KIAA1328: variants seen among roughly 807,000 people sequenced by gnomAD.
KIAA1328 encodes protein hinderin.
In KIAA1328, 52 loss-of-function variants were observed where a neutral mutation model predicts 68.1. The ratio of observed to expected loss-of-function variants is 0.76; its 90% CI spans 0.61 to 0.96. KIAA1328 has a LOEUF of 0.96. KIAA1328 is among the 40% of genes least tolerant of loss of function. KIAA1328 has a pLI of 0.00. For missense variants in KIAA1328, 641 were observed against 677.6 expected (o/e 0.95, Z 0.60); for synonymous variants, 232 against 239.4 (o/e 0.97, Z 0.28).
In KIAA1328 at chr18:37,223,309, G is replaced by T; in HGVS notation, c.*1082G>T. On this transcript the variant is annotated 3_prime_UTR_variant, in exon 10 of 10. Coordinates refer to ENST00000280020, the MANE Select transcript of KIAA1328 (RefSeq NM_020776.3). ...CAGGGTCTCCCTACTTTTTCTCACT[G>T]GCCTCGTTTTGACCCAGAGAAAGCC... 5.1e-6 allele frequency: 5 copies of T among 985,166 alleles called. No individual in the cohort carries two copies. The highest frequency in any genetic ancestry group is 4.8e-6 in the Non-Finnish European group (4 of 829,940). The allele number at this position is 985,166 out of a possible 1,614,324, so 61.0% of individuals were successfully genotyped here. A position where few individuals can be genotyped will look rare whatever the true frequency, so the allele number is the denominator to read the frequency against.
At chr18:37,226,846 C>T (rs1473623320), downstream of KIAA1328, among the ~76,000 whole-genome samples, 1 of 151,496 alleles carries the variant, frequency 6.6e-6, no homozygotes, top group Non-Finnish European at 1.5e-5. Flanking sequence ...CAGCTCACTG[C>T]AACCTCCGCC....
chr18:36,960,150 G>A (rs535497193), intron 6 of KIAA1328, among the ~76,000 whole-genome samples: 1 of 152,290 alleles, frequency 6.6e-6, no homozygotes, highest in East Asian at 1.9e-4. Flanking sequence ...CAGACCAGGG[G>A]ATTCTCTCCT....
intron 7 of KIAA1328, among the ~76,000 whole-genome samples, chr18:37,117,955 C>T (rs997388576): frequency 5.7e-4 from 86 of 150,112 alleles, no homozygotes; most frequent in African/African-American, 2.1e-3. Context: ...TTATAGTCCC[C>T]ATCTCTGCAA....
intron 7 of KIAA1328, among the ~76,000 whole-genome samples, chr18:37,098,160 A>C (rs1235003551): frequency 2.0e-5 from 3 of 152,142 alleles, no homozygotes; most frequent in Non-Finnish European, 4.4e-5. Context: ...CCAGTTTTCA[A>C]AGGGAATGCT....
At chr18:37,208,750 A>G (rs1457605454) in intron 9 of KIAA1328, among the ~76,000 whole-genome samples, 1 of 152,234 alleles carries the variant, frequency 6.6e-6, no homozygotes, top group African/African-American at 2.4e-5. Context: ...TTTCAATTAA[A>G]GCTAGGAGAT....
chr18:37,043,582 T>C (rs538293583), intron 6 of KIAA1328, among the ~76,000 whole-genome samples: 1 of 152,306 alleles, frequency 6.6e-6, no homozygotes, highest in South Asian at 2.1e-4. Flanking sequence ...ATGATTATTG[T>C]TAATAAATTT....
chr18:36,927,374 GTTAC>G (rs1362163083), intron 5 of KIAA1328, among the ~76,000 whole-genome samples: 1 of 152,134 alleles, frequency 6.6e-6, no homozygotes, highest in Non-Finnish European at 1.5e-5. Flanking sequence ...TGGCATAATT[GTTAC>G]TTAGAGAATG....
chr18:36,882,631 C>T (rs1159978437), intron 4 of KIAA1328, among the ~76,000 whole-genome samples: 1 of 152,066 alleles, frequency 6.6e-6, no homozygotes, highest in Non-Finnish European at 1.5e-5. Flanking sequence ...AGCAGCATAA[C>T]AGAAAAGATT....
At chr18:36,978,308 G>A (rs141856266) in intron 6 of KIAA1328, among the ~76,000 whole-genome samples, 1 of 152,272 alleles carries the variant, frequency 6.6e-6, no homozygotes, top group African/African-American at 2.4e-5. Flanking sequence ...ACCCTCTACT[G>A]TATATCAATT....
At chr18:37,049,562 G>C (rs2055609627) in intron 6 of KIAA1328, among the ~76,000 whole-genome samples, 1 of 152,082 alleles carries the variant, frequency 6.6e-6, no homozygotes, top group Admixed American at 6.5e-5. Context: ...GACCCCCAAG[G>C]AAAGGCTAAC....
rs1187767501 is a variant in KIAA1328, at chr18:37,067,480, C to T, written c.1167C>T (p.Ala389=). 6.4e-7 allele frequency: 1 copy of T among 1,552,740 alleles called. No homozygotes were observed. The highest frequency in any genetic ancestry group is 8.7e-7 in the Non-Finnish European group (1 of 1,150,352). ...IEKERLQHLL[A]QQETKLLLKQ... ...AGGAGCGCCTTCAGCATCTGCTGGC[C>T]CAGCAGGAGACAAAGCTTCTTCTAA... is the stretch of plus-strand genomic sequence containing the variant. The change falls in exon 7 of 10, where the codon GCC becomes GCT. Residue 389 remains alanine, a synonymous_variant. Transcript: ENST00000280020.
intron 6 of KIAA1328, among the ~76,000 whole-genome samples, chr18:37,060,819 T>A (rs1384813980): frequency 6.6e-6 from 1 of 152,096 alleles, no homozygotes; most frequent in African/African-American, 2.4e-5. Flanking sequence ...ATTCATACAG[T>A]GAAATACTAT....
intron 9 of KIAA1328, among the ~76,000 whole-genome samples, chr18:37,214,701 C>G (rs1057215620): frequency 2.0e-5 from 3 of 152,102 alleles, no homozygotes; most frequent in African/African-American, 7.2e-5. Context: ...TCATTGGTAG[C>G]TTGATGGGGA....
intron 5 of KIAA1328, among the ~76,000 whole-genome samples, chr18:36,951,259 A>G (rs369609520): frequency 9.2e-5 from 14 of 152,142 alleles, no homozygotes; most frequent in East Asian, 1.9e-4. Context: ...GTGTTTGATT[A>G]CCTGCCATTC....
At chr18:36,857,553 G>C (rs1013681007) in intron 4 of KIAA1328, among the ~76,000 whole-genome samples, 3 of 152,184 alleles carry the variant, frequency 2.0e-5, no homozygotes, top group African/African-American at 7.2e-5. Context: ...TGGGGAATGG[G>C]GGATGAATGG....
At chr18:36,992,950 C>CA (rs1456571137) in intron 6 of KIAA1328, among the ~76,000 whole-genome samples, 1 of 151,594 alleles carries the variant, frequency 6.6e-6, no homozygotes, top group Non-Finnish European at 1.5e-5. Context: ...CAAAAAATAC[C>CA]AAAAAAATCA....
chr18:37,094,441 A>C (rs1042206107), intron 7 of KIAA1328, among the ~76,000 whole-genome samples: 2 of 152,210 alleles, frequency 1.3e-5, no homozygotes, highest in Non-Finnish European at 2.9e-5. Context: ...TCTTTCACAG[A>C]CAGCCAATAA....
intron 5 of KIAA1328, among the ~76,000 whole-genome samples, chr18:36,900,064 T>C (rs2048987421): frequency 6.6e-6 from 1 of 151,972 alleles, no homozygotes; most frequent in Non-Finnish European, 1.5e-5. Context: ...ATCTATCATC[T>C]ACACTGTTAT....
At chr18:37,102,456 C>G (rs953270691) in intron 7 of KIAA1328, among the ~76,000 whole-genome samples, 1 of 152,100 alleles carries the variant, frequency 6.6e-6, no homozygotes, top group Non-Finnish European at 1.5e-5. Flanking sequence ...TGTGGTATAT[C>G]ACATCAACAA....
Sources: allele counts gnomAD v4.1 joint callset (sites outside exome capture counted in the v4.1 genomes callset), GRCh38; gene constraint gnomAD v4.1.1; transcripts MANE v1.5; gene names NCBI Gene and HGNC (gene_info 2026-07-23, HGNC 2026-07-21).